The following TMPRSS15 variants were observed in gnomAD, a reference collection of about 807,000 sequenced individuals.
TMPRSS15 encodes enteropeptidase.
In TMPRSS15, 128 loss-of-function variants were observed where a neutral mutation model predicts 125.3. The observed-to-expected ratio is 1.02, with a 90% CI of 0.89 to 1.18. The LOEUF (loss-of-function observed/expected upper bound fraction) is 1.18, where lower values mean the gene tolerates loss of function less well. Ranked by LOEUF, TMPRSS15 falls within the 50% of genes most tolerant of loss-of-function variation. TMPRSS15 has a pLI of 0.00. For synonymous variants in TMPRSS15, 446 were observed against 423.2 expected (o/e 1.05, Z -0.66); for missense variants, 1,283 against 1,212.7 (o/e 1.06, Z -0.86).
intron 5 of TMPRSS15, among the ~76,000 whole-genome samples, chr21:18,377,601 A>G (rs1005741557): frequency 7.2e-5 from 11 of 152,164 alleles, no homozygotes; most frequent in African/African-American, 2.4e-4. Context: ...TGCCAAATAC[A>G]TATAGACTGA....
intron 23 of TMPRSS15, among the ~76,000 whole-genome samples, chr21:18,275,654 C>G (rs2074611039): frequency 6.6e-6 from 1 of 152,202 alleles, no homozygotes; most frequent in South Asian, 2.1e-4. Context: ...AAAACGCTCC[C>G]CAACACAAAG....
chr21:18,289,013 G>A (rs2074801503), intron 21 of TMPRSS15, among the ~76,000 whole-genome samples: 1 of 152,068 alleles, frequency 6.6e-6, no homozygotes, highest in Admixed American at 6.6e-5. Flanking sequence ...ATAAGTTTAA[G>A]AAGAAATTAA....
chr21:18,276,650 T>G (rs1409046037), intron 23 of TMPRSS15, among the ~76,000 whole-genome samples: 5 of 152,296 alleles, frequency 3.3e-5, no homozygotes, highest in African/African-American at 1.2e-4. Context: ...TTGCCTTGAT[T>G]TAACCAACTA....
chr21:18,403,055 A>T (rs942255396), intron 1 of TMPRSS15, among the ~76,000 whole-genome samples: 2 of 152,162 alleles, frequency 1.3e-5, no homozygotes, highest in Non-Finnish European at 2.9e-5. Context: ...AATAAACAAT[A>T]TTTTCTGTTA....
chr21:18,433,696 A>G (rs2076221697), intron 1 of TMPRSS15, among the ~76,000 whole-genome samples: 1 of 150,220 alleles, frequency 6.7e-6, no homozygotes, highest in Non-Finnish European at 1.5e-5. Context: ...AGAAAATAAC[A>G]TAGTTTGAGG....
intron 16 of TMPRSS15, among the ~76,000 whole-genome samples, chr21:18,323,075 G>A (rs2075255406): frequency 6.6e-6 from 1 of 152,150 alleles, no homozygotes; most frequent in Admixed American, 6.5e-5. Context: ...ATTTGTCTCT[G>A]TCTTCCTTTT....
chr21:18,326,308 A>G lies in TMPRSS15; in HGVS notation c.1921+124T>C. 8 of 1,335,336 alleles carry G rather than the reference A, an allele frequency of 6.0e-6. No individual in the cohort carries two copies. The South Asian group carries it at 9.5e-5, about 16-fold the overall frequency. The allele number at this position is 1,335,336 out of a possible 1,614,324, so 82.7% of individuals were successfully genotyped here. A position where few individuals can be genotyped will look rare whatever the true frequency, so the allele number is the denominator to read the frequency against. ...AGGAGGAAAAATCATCTTCATTAAG[A>G]TGAGGAAGAATAAGTGTCACAGAAG... On this transcript the variant is annotated intron_variant, in intron 16 of 24. Coordinates refer to ENST00000284885, the MANE Select transcript of TMPRSS15 (RefSeq NM_002772.3).
chr21:18,272,761 G>A (rs1304035210), intron 24 of TMPRSS15, among the ~76,000 whole-genome samples: 5 of 151,830 alleles, frequency 3.3e-5, no homozygotes, highest in South Asian at 2.1e-4. Flanking sequence ...AAATACATAC[G>A]TAAATAAATA....
At chr21:18,277,351 G>C (rs1171501482) in intron 23 of TMPRSS15, among the ~76,000 whole-genome samples, 3 of 152,146 alleles carry the variant, frequency 2.0e-5, no homozygotes, top group Admixed American at 6.5e-5. Context: ...ATGAAATAAA[G>C]AGTTTCAAAT....
chr21:18,420,480 TAAATTAACCACTAGCC>T (rs1048772072), intron 1 of TMPRSS15, among the ~76,000 whole-genome samples: 3 of 152,332 alleles, frequency 2.0e-5, no homozygotes, highest in Admixed American at 1.3e-4. Context: ...TAGCGAAGGT[TAAATTAACCACTAGCC>T]ATACCTTGGA....
chr21:18,404,196 C>A (rs1294143635), upstream of TMPRSS15, among the ~76,000 whole-genome samples: 1 of 152,108 alleles, frequency 6.6e-6, no homozygotes, highest in African/African-American at 2.4e-5. Context: ...ACATGTATTC[C>A]TTATGGAAAC....
chr21:18,407,266 CAGTT>C (rs545964270), upstream of TMPRSS15, among the ~76,000 whole-genome samples: 31 of 151,928 alleles, frequency 2.0e-4, no homozygotes, highest in Middle Eastern at 3.4e-3. Context: ...AACTTTGACA[CAGTT>C]AGAGGAGTAG....
chr21:18,451,683 G>A (rs1978341800), intron 1 of TMPRSS15, among the ~76,000 whole-genome samples: 1 of 152,110 alleles, frequency 6.6e-6, no homozygotes, highest in Non-Finnish European at 1.5e-5. Flanking sequence ...TTTTTGGACA[G>A]CTAACATGTT....
At chr21:18,300,359 T>C (rs2074958003) in intron 18 of TMPRSS15, among the ~76,000 whole-genome samples, 1 of 149,514 alleles carries the variant, frequency 6.7e-6, no homozygotes, top group Admixed American at 6.7e-5. Context: ...TCTTTCTCTT[T>C]TTTTTTTTTG....
At chr21:18,353,981 C>A (rs2075599799) in intron 8 of TMPRSS15, 118 bp from the exon 9 acceptor site, 1 of 852,290 alleles carries the variant, frequency 1.2e-6, no homozygotes, top group East Asian at 2.6e-5. Flanking sequence ...AAATATCTAT[C>A]TGATACCACT....
At chr21:18,460,850 A>C (rs1978538316) in intron 1 of TMPRSS15, 1 of 152,210 alleles carries the variant, frequency 6.6e-6, no homozygotes, top group South Asian at 2.1e-4. Context: ...TTGACCACAC[A>C]TCTGGGCACT....
At chr21:18,461,823 T>C (rs2122952819) in intron 1 of TMPRSS15, among the ~76,000 whole-genome samples, 7 of 152,296 alleles carry the variant, frequency 4.6e-5, no homozygotes, top group Non-Finnish European at 1.0e-4. Context: ...CTTTGGATAC[T>C]ATAGTTGCCC....
chr21:18,286,464 T>C (rs955004867), intron 21 of TMPRSS15, among the ~76,000 whole-genome samples: 3 of 152,200 alleles, frequency 2.0e-5, no homozygotes, highest in African/African-American at 7.2e-5. Context: ...GCTTAATATA[T>C]AAAAATCAGA....
chr21:18,322,152 T>C (rs945126655), intron 16 of TMPRSS15, among the ~76,000 whole-genome samples: 2 of 152,202 alleles, frequency 1.3e-5, no homozygotes, highest in African/African-American at 4.8e-5. Flanking sequence ...GTTGCTGATA[T>C]TGTTTTTCAA....
Sources: allele counts gnomAD v4.1 joint callset (sites outside exome capture counted in the v4.1 genomes callset), GRCh38; gene constraint gnomAD v4.1.1; transcripts MANE v1.5; gene names NCBI Gene and HGNC (gene_info 2026-07-23, HGNC 2026-07-21).